Variants in DAW1 observed in about 807,000 individuals in gnomAD.
DAW1 encodes the protein dynein assembly factor with WD repeats 1, also known as dynein assembly factor with WD repeat domains 1.
DAW1 carries 47 observed loss-of-function variants against 56.5 expected under a neutral mutation model. The observed-to-expected ratio is 0.83, with a 90% CI of 0.66 to 1.06. The LOEUF (loss-of-function observed/expected upper bound fraction) is 1.06. Among genes scored for constraint, DAW1 ranks in the 50% least tolerant of loss-of-function variants. The pLI is 0.00. For missense variants in DAW1, 505 were observed against 499.3 expected, an observed-to-expected ratio of 1.01 and a Z score of -0.11; for synonymous variants, 190 against 179.0, an observed-to-expected ratio of 1.06 and a Z score of -0.49.
intron 1 of DAW1, among the ~76,000 whole-genome samples, chr2:227,881,136 G>T (rs1233077613): frequency 6.6e-6 from 1 of 152,204 alleles, no homozygotes; most frequent in Non-Finnish European, 1.5e-5. Flanking sequence ...TTATAGTATT[G>T]ATTATTTCTG....
intron 6 of DAW1, 53 bp downstream of exon 6, chr2:227,898,334 T>C: frequency 1.0e-6 from 1 of 961,074 alleles, no homozygotes; most frequent in Non-Finnish European, 1.3e-6. Flanking sequence ...TATATTATTT[T>C]CTTTGAGATG....
At chr2:227,895,478 A>G (rs1691384709) in intron 5 of DAW1, 1 of 152,248 alleles carries the variant, frequency 6.6e-6, no homozygotes, top group African/African-American at 2.4e-5. Context: ...GAAAGTGATC[A>G]CTGTGATTTC....
At chr2:227,923,665 C>T (rs1721345) in intron 12 of DAW1, among the ~76,000 whole-genome samples, 30,102 of 151,870 alleles carry the variant, frequency 0.2, 3,247 homozygotes, top group Middle Eastern at 0.32. Flanking sequence ...AAGTTCTCTC[C>T]CATTCTGAGA....
At chr2:227,890,284 A>T (rs1691232471) in intron 3 of DAW1, among the ~76,000 whole-genome samples, 1 of 147,672 alleles carries the variant, frequency 6.8e-6, no homozygotes, top group East Asian at 1.9e-4. Flanking sequence ...GTTATGGAAT[A>T]ACTAAAGCTT....
chr2:227,882,114 A>G (rs911517376), intron 1 of DAW1, among the ~76,000 whole-genome samples: 1 of 152,090 alleles, frequency 6.6e-6, no homozygotes, highest in African/African-American at 2.4e-5. Context: ...TTTTGGCAAC[A>G]TTTCCTATTT....
chr2:227,921,328 T>TGG, intron 11 of DAW1, 71 bp from the exon 12 acceptor site: 11 of 700,524 alleles, frequency 1.6e-5, no homozygotes, highest in East Asian at 1.4e-4. Flanking sequence ...TTTTTTTTTT[T>TGG]TTTTTGCTGA....
At chr2:227,892,652 C>T (rs913344944) in intron 4 of DAW1, among the ~76,000 whole-genome samples, 5 of 152,078 alleles carry the variant, frequency 3.3e-5, no homozygotes, top group Admixed American at 1.3e-4. Flanking sequence ...AAGGAAAATA[C>T]CTAGGAGAGA....
chr2:227,880,381 CTT>C (rs34679935), intron 1 of DAW1, among the ~76,000 whole-genome samples: 60,917 of 143,694 alleles, frequency 0.42, 13,353 homozygotes, highest in Admixed American at 0.56. Context: ...CACAAACAGT[CTT>C]TTTTTTTTTT....
intron 5 of DAW1, among the ~76,000 whole-genome samples, chr2:227,894,933 C>T (rs140722418): frequency 6.6e-6 from 1 of 152,258 alleles, no homozygotes; most frequent in African/African-American, 2.4e-5. Context: ...TGTAACATAA[C>T]GTGTAATTTA....
At chr2:227,881,541 G>C (rs1049595898) in intron 1 of DAW1, among the ~76,000 whole-genome samples, 1 of 152,122 alleles carries the variant, frequency 6.6e-6, no homozygotes, top group Non-Finnish European at 1.5e-5. Context: ...TATGCCACAA[G>C]GTATCATTTG....
chr2:227,894,513 A>G (rs1691361029), intron 5 of DAW1, among the ~76,000 whole-genome samples: 1 of 152,178 alleles, frequency 6.6e-6, no homozygotes, highest in Admixed American at 6.5e-5. Context: ...TTGACTCTCA[A>G]TCCTTGGGAG....
Position 227,904,809 on chromosome 2 carries a change from G to A in DAW1, c.649-120G>A. 4.7e-6 allele frequency: 4 copies of A among 858,390 alleles called. No individual in the cohort carries two copies. The South Asian group carries it at 5.2e-5, about 11-fold the overall frequency. 53.2% of individuals were successfully genotyped at this position (858,390 alleles called of 1,614,324 possible). ...CTCCCCATCCTCACCCCAGCCAACCGCTGACCTCCGTTCCTAGAGCTCGGC... is the reference window on the plus strand; with the variant it reads ...CTCCCCATCCTCACCCCAGCCAACCACTGACCTCCGTTCCTAGAGCTCGGC... On this transcript the variant is annotated intron_variant, in intron 7 of 12. Coordinates refer to ENST00000309931, the MANE Select transcript of DAW1 (RefSeq NM_178821.3).
intron 12 of DAW1, among the ~76,000 whole-genome samples, chr2:227,923,355 T>G (rs1282058044): frequency 1.3e-5 from 2 of 152,222 alleles, no homozygotes; most frequent in African/African-American, 4.8e-5. Context: ...GACCGTTACA[T>G]TTGTTAAAAC....
rs559993251 is a variant in DAW1, at chr2:227,913,871, A to ATATCTATCTATCTATCTATC, written c.974-4896_974-4895insATCTATCTATCTATCTATCT. ...CACCTTCTGCCAGAAGACAGTCATCATATCTATCTATCTGTCTGTCTGTCT... is the reference window on the plus strand; with the variant it reads ...CACCTTCTGCCAGAAGACAGTCATCATATCTATCTATCTATCTATCTATCTATCTATCTGTCTGTCTGTCT... On this transcript the variant is annotated intron_variant, in intron 10 of 12. Coordinates refer to ENST00000309931, the MANE Select transcript of DAW1 (RefSeq NM_178821.3). 2.2e-3 allele frequency among the ~76,000 whole-genome samples: 322 copies of ATATCTATCTATCTATCTATC among 143,500 alleles called. 2 individuals are homozygous for ATATCTATCTATCTATCTATC. The highest frequency in any genetic ancestry group is 0.01 in the Middle Eastern group (3 of 286). The allele number at this position is 143,500 out of a possible 152,430, so 94.1% of individuals were successfully genotyped here.
chr2:227,872,962 C>T (rs1690791539), intron 1 of DAW1, among the ~76,000 whole-genome samples: 1 of 152,136 alleles, frequency 6.6e-6, no homozygotes, highest in African/African-American at 2.4e-5. Flanking sequence ...TCAAGATCTC[C>T]AATAGCTTCC....
chr2:227,903,555 G>A (rs1213672312), intron 7 of DAW1, among the ~76,000 whole-genome samples: 1 of 152,112 alleles, frequency 6.6e-6, no homozygotes, highest in Admixed American at 6.5e-5. Flanking sequence ...AAGGCCAAAG[G>A]GCTCTGCCCA....
chr2:227,904,963 A>C lies in DAW1; in HGVS notation c.683A>C (p.Asn228Thr), dbSNP rs760115445. 1 of 1,613,530 alleles carries C rather than the reference A, an allele frequency of 6.2e-7. No homozygotes were observed. Among genetic ancestry groups the C allele is most frequent in the East Asian group, 2.2e-5 (1 of 44,828 alleles). Residue 228 changes from asparagine to threonine, a missense_variant, in exon 8 of 13, where the codon AAC becomes ACC. By Grantham distance (65) the Asn-to-Thr change is moderately conservative. Coordinates refer to ENST00000309931, the MANE Select transcript of DAW1 (RefSeq NM_178821.3). ...GCCGAAATCATCTCCTTGTCATTTA[A>C]CACCTCAGGAGACAGAATCATCACG... is the stretch of plus-strand genomic sequence containing the variant. ...HSAEIISLSF[N>T]TSGDRIITGS...
In DAW1 at chr2:227,889,838, T is replaced by G; in HGVS notation, c.114-18T>G. On this transcript the variant is annotated intron_variant, in intron 2 of 12. Coordinates refer to ENST00000309931, the MANE Select transcript of DAW1 (RefSeq NM_178821.3). ...TTTGACATAAAATAAAAGAAACTCT[T>G]TTTTGGGTGTATTTCAGCACTGATG... 16 of 1,545,000 alleles carry G rather than the reference T, an allele frequency of 1.0e-5. No homozygotes were observed. The highest frequency in any genetic ancestry group is 1.4e-5 in the Non-Finnish European group (16 of 1,154,240).
chr2:227,878,096 G>A (rs1304599644), intron 1 of DAW1, among the ~76,000 whole-genome samples: 1 of 152,192 alleles, frequency 6.6e-6, no homozygotes, highest in Non-Finnish European at 1.5e-5. Context: ...TGTTAAAAAT[G>A]CATTTCCTTA....
Sources: gnomAD v4.1 joint callset for allele counts (sites outside exome capture counted in the v4.1 genomes callset) on GRCh38, gnomAD v4.1.1 for gene constraint, MANE v1.5 for transcripts, NCBI Gene and HGNC (gene_info 2026-07-23, HGNC 2026-07-21) for gene names.